SNX29: variants seen among roughly 807,000 people sequenced by gnomAD.
The protein encoded by SNX29 is sorting nexin 29, also known as sorting nexin-29.
Under a neutral mutation model 102.1 loss-of-function variants are expected in SNX29, and 78 were observed. That is an observed-to-expected ratio of 0.76 (90% CI 0.64 to 0.92). SNX29 has a LOEUF of 0.92. Ranked by LOEUF, SNX29 falls within the 40% of genes least tolerant of loss-of-function variation. The pLI, the probability that SNX29 is intolerant of heterozygous loss-of-function variation, is 0.00. For synonymous variants in SNX29, 580 were observed against 414.5 expected, an observed-to-expected ratio of 1.40 and a Z score of -4.85; for missense variants, 1,280 against 1,061.7, an observed-to-expected ratio of 1.21 and a Z score of -2.86.
chr16:12,272,255 T>G (rs2079112848), intron 14 of SNX29, among the ~76,000 whole-genome samples: 1 of 152,106 alleles, frequency 6.6e-6, no homozygotes. Context: ...GCTAGTGCCT[T>G]GGGGACAGGA....
chr16:12,547,396 A>G (rs1423829826), intron 20 of SNX29, among the ~76,000 whole-genome samples: 1 of 152,180 alleles, frequency 6.6e-6, no homozygotes, highest in Non-Finnish European at 1.5e-5. Flanking sequence ...TATGGGTGAT[A>G]GAACAGGTAG....
At chr16:12,447,221 C>T (rs1204142705) in intron 18 of SNX29, among the ~76,000 whole-genome samples, 2 of 140,262 alleles carry the variant, frequency 1.4e-5, no homozygotes, top group East Asian at 4.1e-4. Context: ...TACAGACCAG[C>T]ACCATTTCTT....
At chr16:12,242,232 A>G (rs949540063) in intron 14 of SNX29, among the ~76,000 whole-genome samples, 22 of 151,952 alleles carry the variant, frequency 1.4e-4, no homozygotes, top group African/African-American at 5.3e-4. Flanking sequence ...TACAGCCTTG[A>G]ACCCAACTTG....
At position 12,454,519 on chromosome 16, in the gene SNX29, A is replaced by T. The variant is rs564687480; in HGVS notation, c.2038-23200A>T. Among the ~76,000 whole-genome samples, 17 of 152,284 alleles carry T rather than the reference A, an allele frequency of 1.1e-4. No individual in the cohort carries two copies. The South Asian group carries it at 1.7e-3, about 15-fold the overall frequency. Reference sequence around the variant, plus strand: ...AGGGACTTATAGTCAACAGCTAGTTATGAGTTTCCATGGGCCACAGGTGCT... The same window carrying T: ...AGGGACTTATAGTCAACAGCTAGTTTTGAGTTTCCATGGGCCACAGGTGCT... On this transcript the variant is annotated intron_variant, in intron 18 of 20. Coordinates refer to ENST00000566228, the MANE Select transcript of SNX29 (RefSeq NM_032167.5).
Position 12,512,259 on chromosome 16 carries a change from G to A in SNX29, c.2179-12443G>A, listed in dbSNP as rs566790935. Among the ~76,000 whole-genome samples, 4 of 150,426 alleles carry A rather than the reference G, an allele frequency of 2.7e-5. No individual in the cohort carries two copies. In the East Asian group the frequency reaches 7.9e-4, roughly 30 times the overall value. ...GAGTGGAGCCGTGCCAGGTGAGAGG[G>A]TGCGGCTGGAGAGGCAGGTGGGAGC... On this transcript the variant is annotated intron_variant, in intron 19 of 20. Coordinates refer to ENST00000566228, the MANE Select transcript of SNX29 (RefSeq NM_032167.5).
chr16:12,539,575 A>G (rs530311765), intron 20 of SNX29, among the ~76,000 whole-genome samples: 57 of 152,276 alleles, frequency 3.7e-4, no homozygotes, highest in African/African-American at 1.3e-3. Context: ...GTGTGAACAA[A>G]AGTTTTCATT....
intron 18 of SNX29, among the ~76,000 whole-genome samples, chr16:12,467,761 C>G (rs935913331): frequency 6.6e-6 from 1 of 152,098 alleles, no homozygotes; most frequent in Non-Finnish European, 1.5e-5. Flanking sequence ...TGACCAGATC[C>G]ATGTCCTCAT....
chr16:12,109,152 AAAAG>A (rs2053401153), intron 11 of SNX29, among the ~76,000 whole-genome samples: 2 of 151,074 alleles, frequency 1.3e-5, no homozygotes, highest in Non-Finnish European at 3.0e-5. Context: ...AAAAAAAAAA[AAAAG>A]AAAAGGAATT....
At chr16:11,978,648 A>G (rs150957009) in intron 1 of SNX29, among the ~76,000 whole-genome samples, 1 of 152,252 alleles carries the variant, frequency 6.6e-6, no homozygotes, top group Non-Finnish European at 1.5e-5. Flanking sequence ...TTTTCCTTTT[A>G]CTATGACCAA....
At chr16:12,280,618 C>T (rs1207455947) in intron 15 of SNX29, among the ~76,000 whole-genome samples, 8 of 152,162 alleles carry the variant, frequency 5.3e-5, no homozygotes, top group Admixed American at 2.0e-4. Flanking sequence ...TGTCCTCAAA[C>T]GGCATTTACT....
intron 11 of SNX29, among the ~76,000 whole-genome samples, chr16:12,114,685 C>G (rs1442063196): frequency 1.3e-5 from 2 of 151,898 alleles, no homozygotes; most frequent in African/African-American, 2.4e-5. Flanking sequence ...CTCCTGGGTT[C>G]AAGCGATTCT....
At chr16:12,391,382 C>T (rs150280191) in intron 16 of SNX29, among the ~76,000 whole-genome samples, 3 of 152,344 alleles carry the variant, frequency 2.0e-5, no homozygotes, top group Admixed American at 6.5e-5. Context: ...GCTGCATACT[C>T]TGATAGCCTG....
intron 20 of SNX29, among the ~76,000 whole-genome samples, chr16:12,549,530 C>CCTATAGCCAGT (rs1567175009): frequency 6.6e-6 from 1 of 151,734 alleles, no homozygotes; most frequent in African/African-American, 2.4e-5. Context: ...TCCTCTATCT[C>CCTATAGCCAGT]AAATAGCCAG....
At chr16:12,199,820 A>G in intron 14 of SNX29, 137 bp downstream of exon 14, 1 of 713,844 alleles carries the variant, frequency 1.4e-6, no homozygotes, top group Non-Finnish European at 2.3e-6. Context: ...TCAGCGTTCC[A>G]GAAAATTAAT....
chr16:12,428,121 C>A lies in SNX29; in HGVS notation c.2037+24592C>A, dbSNP rs140122287. On this transcript the variant is annotated intron_variant, in intron 18 of 20. Transcript: ENST00000566228. ...TTATTTTATTTTATTTTTCCCCCAA[C>A]TGTAATTCCCTGCCTCATCACCCAT... Among the ~76,000 whole-genome samples the A allele has an allele frequency of 2.7e-3, 413 of 152,336 alleles. 4 individuals are homozygous for A. The highest frequency in any genetic ancestry group is 9.2e-3 in the African/African-American group (383 of 41,578).
chr16:12,207,426 C>A (rs1021882643), intron 14 of SNX29, among the ~76,000 whole-genome samples: 1 of 152,142 alleles, frequency 6.6e-6, no homozygotes, highest in African/African-American at 2.4e-5. Context: ...CTGTTCACCA[C>A]CACTGTGTGA....
intron 13 of SNX29, among the ~76,000 whole-genome samples, chr16:12,149,731 G>A (rs1448598133): frequency 6.6e-6 from 1 of 152,196 alleles, no homozygotes; most frequent in Non-Finnish European, 1.5e-5. Context: ...ATTACATAAT[G>A]CAGGTAAAGA....
chr16:12,572,536 G>T lies in SNX29; in HGVS notation c.*3907G>T, dbSNP rs2079209766. The T allele has an allele frequency of 9.4e-7, 1 of 1,063,332 alleles. No individual in the cohort carries two copies. Among genetic ancestry groups the T allele is most frequent in the Non-Finnish European group, 1.1e-6 (1 of 878,028 alleles). The allele number at this position is 1,063,332 out of a possible 1,614,324, so 65.9% of individuals were successfully genotyped here. A position where few individuals can be genotyped will look rare whatever the true frequency, so the allele number is the denominator to read the frequency against. On this transcript the variant is annotated 3_prime_UTR_variant, in exon 21 of 21. Coordinates refer to ENST00000566228, the MANE Select transcript of SNX29 (RefSeq NM_032167.5). ...CCACGTGCTCAAGCCCCCACAGGGG[G>T]CTGCGACACCATCTGGCTCCTCACA...
intron 16 of SNX29, among the ~76,000 whole-genome samples, chr16:12,357,973 T>G (rs1416106381): frequency 6.6e-6 from 1 of 152,222 alleles, no homozygotes; most frequent in Non-Finnish European, 1.5e-5. Context: ...TTTTGCTGAT[T>G]ATATGACTGT....
Sources: allele counts gnomAD v4.1 joint callset (sites outside exome capture counted in the v4.1 genomes callset), GRCh38; gene constraint gnomAD v4.1.1; transcripts MANE v1.5; gene names NCBI Gene and HGNC (gene_info 2026-07-23, HGNC 2026-07-21).